The following PLAT variants were observed in gnomAD, a reference collection of about 807,000 sequenced individuals.
The protein encoded by PLAT is tissue-type plasminogen activator.
A neutral mutation model predicts 74.9 loss-of-function variants in PLAT; 48 were observed. The observed-to-expected ratio is 0.64, with a 90% CI of 0.51 to 0.82. The LOEUF (loss-of-function observed/expected upper bound fraction) is 0.82, where lower values mean the gene tolerates loss of function less well. Among genes scored for constraint, PLAT ranks in the 40% least tolerant of loss-of-function variants. The pLI, the probability that PLAT is intolerant of heterozygous loss-of-function variation, is 0.00. For synonymous variants in PLAT, 307 were observed against 294.4 expected, an observed-to-expected ratio of 1.04 and a Z score of -0.44; for missense variants, 673 against 736.2, an observed-to-expected ratio of 0.91 and a Z score of 0.99.
chr8:42,182,305 G>A (rs918192793), intron 8 of PLAT: 10 of 372,150 alleles, frequency 2.7e-5, no homozygotes, highest in East Asian at 1.9e-4. Flanking sequence ...GGAGGACACC[G>A]AGTTCATCTT....
intron 2 of PLAT, among the ~76,000 whole-genome samples, chr8:42,192,880 A>G (rs927476344): frequency 6.6e-6 from 1 of 152,182 alleles, no homozygotes; most frequent in African/African-American, 2.4e-5. Context: ...CCGCTTACTC[A>G]GGTCAAAATA....
At chr8:42,197,180 T>C (rs1392478565) in intron 1 of PLAT, among the ~76,000 whole-genome samples, 1 of 152,206 alleles carries the variant, frequency 6.6e-6, no homozygotes, top group African/African-American at 2.4e-5. Context: ...GGTTGGCTGA[T>C]AGAGTGCAGC....
intron 4 of PLAT, 54 bp from the exon 5 acceptor site, chr8:42,188,070 G>A: frequency 9.1e-7 from 1 of 1,098,912 alleles, no homozygotes; most frequent in Non-Finnish European, 1.4e-6. Flanking sequence ...TGTGTGCTCA[G>A]GCCATGGTTC....
intron 1 of PLAT, among the ~76,000 whole-genome samples, chr8:42,198,296 C>A (rs1805996222): frequency 6.6e-6 from 1 of 152,180 alleles, no homozygotes; most frequent in Non-Finnish European, 1.5e-5. Context: ...TCAAAACAAG[C>A]CTGGCCAACA....
chr8:42,185,331 T>G (rs1302634845), intron 6 of PLAT, 159 bp from the exon 7 acceptor site: 3 of 450,220 alleles, frequency 6.7e-6, no homozygotes, highest in Non-Finnish European at 1.2e-5. Flanking sequence ...GCGGCGCATC[T>G]CCTCTCACTG....
chr8:42,203,992 T>TATATATATATATATATATAC (rs1554499838), intron 1 of PLAT, among the ~76,000 whole-genome samples: 6 of 109,862 alleles, frequency 5.5e-5, no homozygotes, highest in African/African-American at 3.1e-4. Flanking sequence ...TATATATATA[T>TATATATATATATATATATAC]ACACACACAC....
In PLAT at chr8:42,193,156, ACAG is replaced by A; in HGVS notation, c.27_29del (p.Cys10del). On this transcript the variant is annotated inframe_deletion, in exon 2 of 14. Coordinates refer to ENST00000220809, the MANE Select transcript of PLAT (RefSeq NM_000930.5). ...AGACTGCTCCACACAGCAGCAGCAC[ACAG>A]CAGAGCCCTCTCTTCATTGCATCCA... 6.2e-7 allele frequency: 1 copy of A among 1,614,064 alleles called. No individual in the cohort carries two copies. Among genetic ancestry groups the A allele is most frequent in the African/African-American group, 1.3e-5 (1 of 75,052 alleles).
intron 1 of PLAT, among the ~76,000 whole-genome samples, chr8:42,194,026 T>C (rs1805794073): frequency 1.4e-5 from 2 of 146,224 alleles, no homozygotes; most frequent in Non-Finnish European, 3.0e-5. Context: ...CCTTTTTTTC[T>C]TTTTCCTTTC....
rs937519145 is a variant in PLAT, at chr8:42,193,221, G to T, written c.-26-10C>A. On this transcript the variant is annotated splice_polypyrimidine_tract_variant and intron_variant, in intron 1 of 13. Transcript: ENST00000220809. ...CAGCGTCCCTTAAATTCTGGAAGGA[G>T]AGAAAAAACAGCTTGATCACGGGGT... 7 of 1,568,454 alleles carry T rather than the reference G, an allele frequency of 4.5e-6. No homozygotes were observed. Among genetic ancestry groups the T allele is most frequent in the Non-Finnish European group, 6.1e-6 (7 of 1,139,000 alleles).
At chr8:42,189,722 C>A (rs1805614279) in intron 3 of PLAT, among the ~76,000 whole-genome samples, 1 of 150,750 alleles carries the variant, frequency 6.6e-6, no homozygotes, top group African/African-American at 2.4e-5. Context: ...CCTCAGCCTC[C>A]CGAGTAGCTG....
chr8:42,181,806 C>G (rs1805251158), intron 9 of PLAT, 131 bp downstream of exon 9: 1 of 630,446 alleles, frequency 1.6e-6, no homozygotes, highest in African/African-American at 1.8e-5. Context: ...TGGAAGCCCC[C>G]TCCCCACCCA....
rs996264302 is a variant in PLAT at position 42,179,963 on chromosome 8, C to A, written c.1326G>T (p.Thr442=). 1.2e-6 allele frequency: 2 copies of A among 1,607,734 alleles called. No individual in the cohort carries two copies. Among genetic ancestry groups the A allele is most frequent in the East Asian group, 2.2e-5 (1 of 44,696 alleles). The change falls in exon 12 of 14, where the codon ACG becomes ACT. Residue 442 remains threonine, a synonymous_variant. Transcript: ENST00000220809. ...TGCCGTAGCCGGAGAGCTCACACTC[C>A]GTCCAGTCCGGCAGCTGCAGGTCCG... ...PPADLQLPDW[T]ECELSGYGKH...
intron 6 of PLAT, chr8:42,185,857 G>C (rs1010002394): frequency 6.6e-6 from 1 of 152,168 alleles, no homozygotes; most frequent in Admixed American, 6.5e-5. Context: ...GTTGGGCCTC[G>C]TCCAATCACT....
Position 42,192,002 on chromosome 8 carries a change from C to CTT in PLAT, c.73-590_73-589dup, listed in dbSNP as rs1177070988. ...CTCATGGCACTTGCATTGCCTTTTTCTTTTTTTTTTTTTTTTTTTGAGACA... is the reference window on the plus strand; with the variant it reads ...CTCATGGCACTTGCATTGCCTTTTTCTTTTTTTTTTTTTTTTTTTTTGAGACA... On this transcript the variant is annotated intron_variant, in intron 2 of 13. Transcript: ENST00000220809. 5.7e-3 allele frequency among the ~76,000 whole-genome samples: 729 copies of CTT among 127,150 alleles called. 6 individuals are homozygous for CTT. Among genetic ancestry groups the CTT allele is most frequent in the Non-Finnish European group, 1.0e-2 (594 of 59,520 alleles). The allele number at this position is 127,150 out of a possible 152,430, so 83.4% of individuals were successfully genotyped here.
At chr8:42,189,517 CAAAAT>C (rs1353067862) in intron 3 of PLAT, among the ~76,000 whole-genome samples, 1 of 151,586 alleles carries the variant, frequency 6.6e-6, no homozygotes, top group Non-Finnish European at 1.5e-5. Flanking sequence ...GACTCCATCT[CAAAAT>C]AAAATAAAAT....
intron 13 of PLAT, among the ~76,000 whole-genome samples, chr8:42,176,404 T>A (rs554185580): frequency 1.3e-5 from 2 of 152,296 alleles, no homozygotes; most frequent in Admixed American, 6.5e-5. Flanking sequence ...TTAAGCCAAC[T>A]GAGGATGTAT....
At chr8:42,191,790 A>T (rs955049016) in intron 2 of PLAT, among the ~76,000 whole-genome samples, 4 of 152,036 alleles carry the variant, frequency 2.6e-5, no homozygotes, top group Non-Finnish European at 4.4e-5. Context: ...TGGGCAATGG[A>T]GTTGCAGCTG....
intron 3 of PLAT, 144 bp from the exon 4 acceptor site, chr8:42,189,215 G>C: frequency 7.5e-6 from 6 of 803,080 alleles, no homozygotes; most frequent in Non-Finnish European, 1.2e-5. Flanking sequence ...ACAACTGGAA[G>C]ACAACAAGAT....
chr8:42,191,031 C>T (rs1805661422), intron 3 of PLAT, among the ~76,000 whole-genome samples: 1 of 152,252 alleles, frequency 6.6e-6, no homozygotes, highest in African/African-American at 2.4e-5. Flanking sequence ...GGGCAAGCCA[C>T]TTGCTCTCTC....
Sources: gnomAD v4.1 joint callset for allele counts (sites outside exome capture counted in the v4.1 genomes callset) on GRCh38, gnomAD v4.1.1 for gene constraint, MANE v1.5 for transcripts, NCBI Gene and HGNC (gene_info 2026-07-23, HGNC 2026-07-21) for gene names.